Variants in GPBP1 observed in about 807,000 individuals in gnomAD.
GPBP1 encodes vasculin.
In GPBP1, 13 loss-of-function variants were observed where a neutral mutation model predicts 56.5. The ratio of observed to expected loss-of-function variants is 0.23; its 90% CI spans 0.15 to 0.37. The LOEUF (loss-of-function observed/expected upper bound fraction) is 0.37, where lower values mean the gene tolerates loss of function less well. Among genes scored for constraint, GPBP1 ranks in the 10% least tolerant of loss-of-function variants. The pLI is 1.00. For synonymous variants in GPBP1, 204 were observed against 188.9 expected (o/e 1.08, Z -0.66); for missense variants, 477 against 572.3 (o/e 0.83, Z 1.70).
intron 1 of GPBP1, 37 bp from the exon 2 acceptor site, chr5:57,175,411 A>G (rs1361827227): frequency 5.0e-6 from 2 of 398,384 alleles, no homozygotes; most frequent in Non-Finnish European, 4.4e-6. Flanking sequence ...GCTCAAAATC[A>G]AAACTCAGTA....
intron 3 of GPBP1, among the ~76,000 whole-genome samples, chr5:57,223,249 C>T (rs943799138): frequency 6.6e-6 from 1 of 151,980 alleles, no homozygotes; most frequent in Non-Finnish European, 1.5e-5. Context: ...TGCCACCACG[C>T]CCAGCTAATT....
Position 57,263,306 on chromosome 5 carries a change from C to G in GPBP1, c.*554C>G, listed in dbSNP as rs927934605. Reference sequence around the variant, plus strand: ...AAGTGCACTAAAACAATTTCCTGAACTCACCTGTTGTACTATTCACCTTTT... The same window carrying G: ...AAGTGCACTAAAACAATTTCCTGAAGTCACCTGTTGTACTATTCACCTTTT... On this transcript the variant is annotated 3_prime_UTR_variant, in exon 12 of 12. Transcript: ENST00000506184. The G allele has an allele frequency of 6.6e-6, 1 of 152,348 alleles. No homozygotes were observed. Among genetic ancestry groups the G allele is most frequent in the African/African-American group, 2.4e-5 (1 of 41,450 alleles). The allele number at this position is 152,348 out of a possible 1,614,324, so 9.4% of individuals were successfully genotyped here. A position where few individuals can be genotyped will look rare whatever the true frequency, so the allele number is the denominator to read the frequency against.
intron 10 of GPBP1, among the ~76,000 whole-genome samples, chr5:57,252,911 G>T (rs571991801): frequency 3.3e-5 from 5 of 152,008 alleles, no homozygotes; most frequent in African/African-American, 1.2e-4. Flanking sequence ...ATTTCATCAT[G>T]TTGGCCAGGC....
At chr5:57,251,883 G>A (rs1235177786) in intron 10 of GPBP1, among the ~76,000 whole-genome samples, 1 of 151,804 alleles carries the variant, frequency 6.6e-6, no homozygotes, top group African/African-American at 2.4e-5. Flanking sequence ...CATTCTAGTG[G>A]GTGTGAAGTA....
At position 57,263,755 on chromosome 5, in the gene GPBP1, CA is replaced by C. The variant is rs1412498824; in HGVS notation, c.*1004del. 1.3e-5 allele frequency: 2 copies of C among 152,136 alleles called. No individual in the cohort carries two copies. The highest frequency in any genetic ancestry group is 2.9e-5 in the Non-Finnish European group (2 of 68,006). The allele number at this position is 152,136 out of a possible 1,614,324, so 9.4% of individuals were successfully genotyped here. A position where few individuals can be genotyped will look rare whatever the true frequency, so the allele number is the denominator to read the frequency against. On this transcript the variant is annotated 3_prime_UTR_variant, in exon 12 of 12. Coordinates refer to ENST00000506184, the MANE Select transcript of GPBP1 (RefSeq NM_022913.4). ...AGCTAAGCGTTTTCATTATCAAATA[CA>C]CAAGCTTATTAAATGAATGACTGTT...
intron 2 of GPBP1, among the ~76,000 whole-genome samples, chr5:57,185,843 T>C (rs1334712226): frequency 6.6e-6 from 1 of 150,954 alleles, no homozygotes; most frequent in Non-Finnish European, 1.5e-5. Flanking sequence ...TTACAAAAAG[T>C]ATAAAAGTAA....
intron 2 of GPBP1, among the ~76,000 whole-genome samples, chr5:57,182,978 T>C (rs546879463): frequency 6.6e-6 from 1 of 152,370 alleles, no homozygotes; most frequent in Admixed American, 6.5e-5. Flanking sequence ...CCACTGCGTC[T>C]GGCCCCCTTT....
At chr5:57,217,649 C>T (rs1229714936) in intron 3 of GPBP1, among the ~76,000 whole-genome samples, 1 of 152,084 alleles carries the variant, frequency 6.6e-6, no homozygotes, top group Non-Finnish European at 1.5e-5. Flanking sequence ...TAGATATTTG[C>T]CTCTAAATAA....
chr5:57,200,123 C>A (rs1017733899), intron 2 of GPBP1, among the ~76,000 whole-genome samples: 3 of 145,082 alleles, frequency 2.1e-5, no homozygotes, highest in Non-Finnish European at 4.5e-5. Context: ...TTGCCTCACC[C>A]GTCCCCGCCC....
At chr5:57,204,466 G>C (rs189056810) in intron 2 of GPBP1, among the ~76,000 whole-genome samples, 1 of 152,058 alleles carries the variant, frequency 6.6e-6, no homozygotes. Context: ...TGACCAGGCT[G>C]GTCTCAAACT....
intron 10 of GPBP1, among the ~76,000 whole-genome samples, chr5:57,252,513 A>C (rs923048293): frequency 6.6e-6 from 1 of 151,758 alleles, no homozygotes; most frequent in Admixed American, 6.6e-5. Context: ...ACCTCAGCCT[A>C]CCAAGTAGCT....
At chr5:57,223,188 G>A (rs1231684526) in intron 3 of GPBP1, among the ~76,000 whole-genome samples, 1 of 151,928 alleles carries the variant, frequency 6.6e-6, no homozygotes, top group African/African-American at 2.4e-5. Context: ...TACCCAGGCT[G>A]GTCTTGAACT....
chr5:57,249,297 C>A, intron 8 of GPBP1, 112 bp from the exon 9 acceptor site: 1 of 776,712 alleles, frequency 1.3e-6, no homozygotes, highest in Non-Finnish European at 2.0e-6. Context: ...ACATTATAAT[C>A]AATTTTATTT....
intron 5 of GPBP1, among the ~76,000 whole-genome samples, chr5:57,232,475 A>G (rs528331014): frequency 9.2e-5 from 14 of 152,274 alleles, no homozygotes; most frequent in Admixed American, 4.6e-4. Flanking sequence ...GCTTATACCA[A>G]TCCAAGCAGG....
intron 2 of GPBP1, among the ~76,000 whole-genome samples, chr5:57,204,766 T>G (rs1755159574): frequency 6.6e-6 from 1 of 152,214 alleles, no homozygotes; most frequent in African/African-American, 2.4e-5. Context: ...TTTAATTTGT[T>G]GATTAAGGGT....
intron 1 of GPBP1, among the ~76,000 whole-genome samples, chr5:57,174,888 TCTC>T (rs142813645): frequency 1.6e-4 from 24 of 152,248 alleles, no homozygotes; most frequent in Non-Finnish European, 2.6e-4. Flanking sequence ...AGTGGGGAAG[TCTC>T]CTCGGGAGAA....
chr5:57,179,456 T>C (rs1333064630), intron 2 of GPBP1, among the ~76,000 whole-genome samples: 1 of 152,136 alleles, frequency 6.6e-6, no homozygotes, highest in Non-Finnish European at 1.5e-5. Context: ...TAAGGGTTCC[T>C]CCTGCCTTGG....
chr5:57,190,584 A>C (rs1476813658), intron 2 of GPBP1, among the ~76,000 whole-genome samples: 1 of 150,260 alleles, frequency 6.7e-6, no homozygotes, highest in Non-Finnish European at 1.5e-5. Context: ...ACTCCATCTC[A>C]GTTAAAAAAA....
chr5:57,201,636 C>T (rs1221230174), intron 2 of GPBP1, among the ~76,000 whole-genome samples: 3 of 152,182 alleles, frequency 2.0e-5, no homozygotes, highest in African/African-American at 7.2e-5. Context: ...CTAAGGTGGC[C>T]TCTTGCTGTA....
Sources: gnomAD v4.1 joint callset for allele counts (sites outside exome capture counted in the v4.1 genomes callset) on GRCh38, gnomAD v4.1.1 for gene constraint, MANE v1.5 for transcripts, NCBI Gene and HGNC (gene_info 2026-07-23, HGNC 2026-07-21) for gene names.